Variants in FCGR2A observed in about 807,000 individuals in gnomAD.
The protein encoded by FCGR2A is Fc gamma receptor IIa.
Under a neutral mutation model 29.3 loss-of-function variants are expected in FCGR2A, and 18 were observed. That is an observed-to-expected ratio of 0.62 (90% CI 0.43 to 0.91). FCGR2A has a LOEUF of 0.91. Ranked by LOEUF, FCGR2A falls within the 40% of genes least tolerant of loss-of-function variation. FCGR2A has a pLI of 0.00. For missense variants in FCGR2A, 287 were observed against 393.0 expected, an observed-to-expected ratio of 0.73 and a Z score of 2.28; for synonymous variants, 126 against 144.8, an observed-to-expected ratio of 0.87 and a Z score of 0.93.
At chr1:161,509,608 T>G (rs1038751956) in intron 3 of FCGR2A, among the ~76,000 whole-genome samples, 2 of 152,266 alleles carry the variant, frequency 1.3e-5, no homozygotes, top group Non-Finnish European at 2.9e-5. Flanking sequence ...CTGCTCTGCA[T>G]CTTTGAAACC....
chr1:161,506,439 A>G lies in FCGR2A; in HGVS notation c.212A>G (p.Asp71Gly). ...TCQGARSPES[D>G]SIQWFHNGNL... Reference sequence around the variant, plus strand: ...CAGGGGGCTCGCAGCCCTGAGAGCGACTCCATTCAGTGGTTCCACAATGGG... The same window carrying G: ...CAGGGGGCTCGCAGCCCTGAGAGCGGCTCCATTCAGTGGTTCCACAATGGG... The change falls in exon 3 of 7, where the codon GAC (aspartate) becomes GGC (glycine). Residue 71 changes from aspartate to glycine, a missense_variant. Coordinates refer to ENST00000271450, the MANE Select transcript of FCGR2A (RefSeq NM_001136219.3). 6.2e-7 allele frequency: 1 copy of G among 1,614,030 alleles called. No individual in the cohort carries two copies. Among genetic ancestry groups the G allele is most frequent in the Non-Finnish European group, 8.5e-7 (1 of 1,179,984 alleles).
At position 161,510,964 on chromosome 1, in the gene FCGR2A, G is replaced by T. The variant is rs1675739349; in HGVS notation, c.742+8G>T. On this transcript the variant is annotated splice_region_variant and intron_variant, in intron 5 of 6. Coordinates refer to ENST00000271450, the MANE Select transcript of FCGR2A (RefSeq NM_001136219.3). Reference sequence around the variant, plus strand: ...GGAAAAAGCGGATTTCAGGTTTGTAGCTCCTCCCAGTCCCTTTTGTTATCA... The same window carrying T: ...GGAAAAAGCGGATTTCAGGTTTGTATCTCCTCCCAGTCCCTTTTGTTATCA... The T allele has an allele frequency of 6.2e-7, 1 of 1,614,112 alleles. No individual in the cohort carries two copies. The highest frequency in any genetic ancestry group is 1.1e-5 in the South Asian group (1 of 91,084).
chr1:161,519,344 T>C lies in FCGR2A; in HGVS notation c.*1196T>C, dbSNP rs1165724920. On this transcript the variant is annotated 3_prime_UTR_variant, in exon 7 of 7. Coordinates refer to ENST00000271450, the MANE Select transcript of FCGR2A (RefSeq NM_001136219.3). ...ACATCCACACAGCCAATACAATTAGTCAAACCACTGTTATTAACAGATGTA... is the reference window on the plus strand; with the variant it reads ...ACATCCACACAGCCAATACAATTAGCCAAACCACTGTTATTAACAGATGTA... 2 of 152,588 alleles carry C rather than the reference T, an allele frequency of 1.3e-5. No individual in the cohort carries two copies. The highest frequency in any genetic ancestry group is 2.9e-5 in the Non-Finnish European group (2 of 68,260). 9.5% of individuals were successfully genotyped at this position (152,588 alleles called of 1,614,324 possible).
At chr1:161,514,212 A>G (rs1676001258) in intron 6 of FCGR2A, among the ~76,000 whole-genome samples, 1 of 151,856 alleles carries the variant, frequency 6.6e-6, no homozygotes, top group African/African-American at 2.4e-5. Context: ...ACCCTAGCCA[A>G]TCGTAAGCAG....
chr1:161,518,052 C>T lies in FCGR2A; in HGVS notation c.858C>T (p.Gly286=), dbSNP rs145803059. Residue 286 remains glycine, a synonymous_variant, in exon 7 of 7, where the codon GGC becomes GGT. Transcript: ENST00000271450. Reference sequence around the variant, plus strand: ...ACAATGACTATGAAACAGCTGACGGCGGCTACATGACTCTGAACCCCAGGG... The same window carrying T: ...ACAATGACTATGAAACAGCTGACGGTGGCTACATGACTCTGAACCCCAGGG... ...ETNNDYETAD[G]GYMTLNPRAP... 196 of 1,613,660 alleles carry T rather than the reference C, an allele frequency of 1.2e-4. 1 individual carries two copies. In the African/African-American group the frequency reaches 1.7e-3, roughly 14 times the overall value.
Position 161,509,885 on chromosome 1 carries a change from C to T in FCGR2A, c.430C>T (p.His144Tyr), listed in dbSNP as rs989024887. Reference sequence around the variant, plus strand: ...GGGAGAAACCATCATGCTGAGGTGCCACAGCTGGAAGGACAAGCCTCTGGT... The same window carrying T: ...GGGAGAAACCATCATGCTGAGGTGCTACAGCTGGAAGGACAAGCCTCTGGT... ...QEGETIMLRC[H>Y]SWKDKPLVKV... Residue 144 changes from histidine (H) to tyrosine (Y), a missense_variant, in exon 4 of 7, where the codon CAC (histidine) becomes TAC (tyrosine). By Grantham distance (83) the His-to-Tyr change is moderately conservative (BLOSUM62 2). Around this residue, in one of 3 missense-constraint regions of FCGR2A, gnomAD observed 181 missense variants for 250.9 expected, o/e 0.72. Transcript: ENST00000271450. 1.2e-6 allele frequency: 2 copies of T among 1,614,086 alleles called. No individual in the cohort carries two copies. The highest frequency in any genetic ancestry group is 2.7e-5 in the African/African-American group (2 of 74,930).
chr1:161,514,879 G>C (rs1460095985), intron 6 of FCGR2A: 1 of 151,834 alleles, frequency 6.6e-6, no homozygotes, highest in Admixed American at 6.6e-5. Context: ...CCTCAGGTAG[G>C]TAAATTTCAG....
In FCGR2A at chr1:161,509,891, T is replaced by A. The variant is rs776769021; in HGVS notation, c.436T>A (p.Trp146Arg). The A allele has an allele frequency of 3.0e-5, 48 of 1,614,104 alleles. No homozygotes were observed. The highest frequency in any genetic ancestry group is 4.0e-5 in the Non-Finnish European group (47 of 1,180,042). ...GETIMLRCHSWKDKPLVKVTF... is the reference protein window; with the variant it reads ...GETIMLRCHSRKDKPLVKVTF... ...AACCATCATGCTGAGGTGCCACAGC[T>A]GGAAGGACAAGCCTCTGGTCAAGGT... Residue 146 changes from tryptophan (W) to arginine (R), a missense_variant, in exon 4 of 7, where the codon TGG becomes AGG. Around this residue, in one of 3 missense-constraint regions of FCGR2A, gnomAD observed 181 missense variants for 250.9 expected, o/e 0.72. Coordinates refer to ENST00000271450, the MANE Select transcript of FCGR2A (RefSeq NM_001136219.3).
downstream of FCGR2A, among the ~76,000 whole-genome samples, chr1:161,520,502 G>A (rs1437950746): frequency 2.0e-5 from 3 of 151,944 alleles, no homozygotes; most frequent in African/African-American, 4.8e-5. Context: ...AACTCAAGAC[G>A]AGACTTTGGG....
downstream of FCGR2A, among the ~76,000 whole-genome samples, chr1:161,521,801 G>A (rs535763627): frequency 7.6e-4 from 116 of 152,168 alleles, no homozygotes; most frequent in African/African-American, 2.7e-3. Flanking sequence ...CCAGCCACGT[G>A]GAACTGTAAG....
intron 5 of FCGR2A, 98 bp downstream of exon 5, chr1:161,511,054 G>A (rs958061902): frequency 3.8e-6 from 6 of 1,566,500 alleles, no homozygotes; most frequent in Non-Finnish European, 5.3e-6. Flanking sequence ...GGCTAGATAT[G>A]CATTCCGATC....
At chr1:161,520,869 A>G (rs535735578), downstream of FCGR2A, among the ~76,000 whole-genome samples, 5 of 152,120 alleles carry the variant, frequency 3.3e-5, no homozygotes, top group Non-Finnish European at 7.4e-5. Flanking sequence ...ACAGGATGCT[A>G]CAGGATCTTG....
At chr1:161,517,738 C>G (rs1163420167) in intron 6 of FCGR2A, among the ~76,000 whole-genome samples, 1 of 152,000 alleles carries the variant, frequency 6.6e-6, no homozygotes, top group Non-Finnish European at 1.5e-5. Flanking sequence ...AGTGCAGGAG[C>G]TTAGTGCAAA....
chr1:161,517,200 A>C (rs1202854908), intron 6 of FCGR2A, among the ~76,000 whole-genome samples: 1 of 151,734 alleles, frequency 6.6e-6, no homozygotes, highest in African/African-American at 2.4e-5. Context: ...TACAATCTAA[A>C]ATGAGCAAGT....
downstream of FCGR2A, among the ~76,000 whole-genome samples, chr1:161,522,312 T>C (rs983042828): frequency 6.6e-6 from 1 of 152,088 alleles, no homozygotes; most frequent in African/African-American, 2.4e-5. Context: ...AGCTCCCCTA[T>C]GCTATGTTTG....
At chr1:161,511,535 C>A (rs370673158) in intron 5 of FCGR2A, among the ~76,000 whole-genome samples, 119 of 152,286 alleles carry the variant, frequency 7.8e-4, no homozygotes, top group African/African-American at 2.5e-3. Flanking sequence ...CATGGCGTGG[C>A]CTTTCTGACA....
At chr1:161,506,633 G>A in intron 3 of FCGR2A, 42 bp downstream of exon 3, 3 of 1,611,650 alleles carry the variant, frequency 1.9e-6, no homozygotes, top group Non-Finnish European at 2.5e-6. Context: ...GGAGGGCCAG[G>A]ACGGATGAAA....
rs1263394820 is a variant in FCGR2A at position 161,510,035 on chromosome 1, A to G, written c.580A>G (p.Thr194Ala). The G allele has an allele frequency of 5.6e-6, 9 of 1,613,870 alleles. No homozygotes were observed. The highest frequency in any genetic ancestry group is 7.6e-6 in the Non-Finnish European group (9 of 1,179,872). ...DYHCTGNIGYTLFSSKPVTIT... is the reference protein window; with the variant it reads ...DYHCTGNIGYALFSSKPVTIT... ...CCACTGCACAGGAAACATAGGCTAC[A>G]CGCTGTTCTCATCCAAGCCTGTGAC... is the stretch of plus-strand genomic sequence containing the variant. Residue 194 changes from threonine (T) to alanine (A), a missense_variant, in exon 4 of 7, where the codon ACG becomes GCG. Thr to Ala is a moderately conservative substitution (Grantham distance 58). Around this residue, in one of 3 missense-constraint regions of FCGR2A, gnomAD observed 181 missense variants for 250.9 expected, o/e 0.72. Transcript: ENST00000271450.
intron 5 of FCGR2A, 104 bp from the exon 6 acceptor site, chr1:161,513,791 G>A: frequency 1.9e-6 from 3 of 1,547,896 alleles, no homozygotes; most frequent in Non-Finnish European, 2.7e-6. Context: ...GGGGTCAGCA[G>A]TCCTTGCTTT....
Sources: allele counts gnomAD v4.1 joint callset (sites outside exome capture counted in the v4.1 genomes callset), GRCh38; gene constraint gnomAD v4.1.1; regional missense constraint gnomAD v4.1.1; transcripts MANE v1.5; gene names NCBI Gene and HGNC (gene_info 2026-07-23, HGNC 2026-07-21).